Variants in HPSE2 observed in about 807,000 individuals in gnomAD.
HPSE2 encodes heparanase 2 (inactive), also known as inactive heparanase-2.
HPSE2 carries 38 observed loss-of-function variants against 60.5 expected under a neutral mutation model. The observed-to-expected ratio is 0.63, with a 90% CI of 0.48 to 0.82. The LOEUF (loss-of-function observed/expected upper bound fraction) is 0.82, where lower values mean the gene tolerates loss of function less well. HPSE2 is among the 40% of genes least tolerant of loss of function. The probability of loss-of-function intolerance (pLI) is 0.00; values close to 1 mark genes in which losing one functional copy is unlikely to be tolerated. For missense variants in HPSE2, 713 were observed against 740.4 expected (o/e 0.96, Z 0.43); for synonymous variants, 295 against 293.2 (o/e 1.01, Z -0.06).
chr10:98,811,944 T>C (rs756961462), intron 3 of HPSE2, among the ~76,000 whole-genome samples: 1 of 152,174 alleles, frequency 6.6e-6, no homozygotes, highest in Admixed American at 6.6e-5. Flanking sequence ...TAATACTATA[T>C]TTTAAAGTCT....
intron 3 of HPSE2, among the ~76,000 whole-genome samples, chr10:98,802,550 T>G (rs1412224101): frequency 7.0e-6 from 1 of 142,030 alleles, no homozygotes; most frequent in Non-Finnish European, 1.5e-5. Context: ...AATTCCCACC[T>G]ATGAGTGAGA....
At chr10:98,913,918 TAAC>T (rs1390860914) in intron 3 of HPSE2, among the ~76,000 whole-genome samples, 1 of 152,156 alleles carries the variant, frequency 6.6e-6, no homozygotes, top group African/African-American at 2.4e-5. Context: ...ATAATTGTGG[TAAC>T]AAAGTAAAGC....
intron 9 of HPSE2, among the ~76,000 whole-genome samples, chr10:98,600,959 T>TGAGA (rs10682911): frequency 5.4e-5 from 7 of 128,798 alleles, no homozygotes; most frequent in East Asian, 2.3e-4. Context: ...AGAAAGAGAG[T>TGAGA]GAGAGAGAGA....
intron 3 of HPSE2, among the ~76,000 whole-genome samples, chr10:98,978,143 T>C (rs2135289353): frequency 6.6e-6 from 1 of 152,242 alleles, no homozygotes. Context: ...CTATCAGATT[T>C]GTTATGCAAA....
intron 3 of HPSE2, among the ~76,000 whole-genome samples, chr10:99,011,021 C>G (rs1957000602): frequency 6.6e-6 from 1 of 151,848 alleles, no homozygotes; most frequent in African/African-American, 2.4e-5. Context: ...CCTTCAACCC[C>G]TCTGTAGGCC....
chr10:98,534,874 A>G (rs1943234676), intron 9 of HPSE2, among the ~76,000 whole-genome samples: 2 of 152,244 alleles, frequency 1.3e-5, no homozygotes, highest in Admixed American at 1.3e-4. Context: ...ACATCAATAA[A>G]AGAACTAGAG....
chr10:99,135,813 C>T (rs1194956833), intron 3 of HPSE2, among the ~76,000 whole-genome samples: 3 of 151,880 alleles, frequency 2.0e-5, no homozygotes, highest in Admixed American at 6.6e-5. Context: ...TTAATTTTAA[C>T]ATCAAAATTA....
chr10:98,948,560 G>A (rs759357316), intron 3 of HPSE2, among the ~76,000 whole-genome samples: 31 of 152,058 alleles, frequency 2.0e-4, no homozygotes, highest in Non-Finnish European at 2.2e-4. Context: ...ATATGATATG[G>A]GCACTGAAAC....
chr10:99,230,455 T>TC (rs1412393137), intron 2 of HPSE2, among the ~76,000 whole-genome samples: 2 of 152,082 alleles, frequency 1.3e-5, no homozygotes, highest in East Asian at 3.8e-4. Flanking sequence ...AGAAAAGGAT[T>TC]CCATATGGAA....
chr10:98,986,909 T>C (rs1445562151), intron 3 of HPSE2, among the ~76,000 whole-genome samples: 1 of 152,102 alleles, frequency 6.6e-6, no homozygotes, highest in Non-Finnish European at 1.5e-5. Context: ...TGGATAAATT[T>C]CTCGGCACAT....
At position 98,459,464 on chromosome 10, in the gene HPSE2, G is replaced by A. The variant is rs1015407123; in HGVS notation, c.*110C>T. 27 of 1,134,808 alleles carry A rather than the reference G, an allele frequency of 2.4e-5. No individual in the cohort carries two copies. Among genetic ancestry groups the A allele is most frequent in the African/African-American group, 4.6e-5 (3 of 65,134 alleles). 70.3% of individuals were successfully genotyped at this position (1,134,808 alleles called of 1,614,324 possible). A position where few individuals can be genotyped will look rare whatever the true frequency, so the allele number is the denominator to read the frequency against. On this transcript the variant is annotated 3_prime_UTR_variant, in exon 12 of 12. Coordinates refer to ENST00000370552, the MANE Select transcript of HPSE2 (RefSeq NM_021828.5). ...AAGTCTGTGTTGATTCCAGCAGGAT[G>A]GGGCAGCAGGGGCTGGTTGCTAGGA... is the stretch of plus-strand genomic sequence containing the variant.
chr10:98,461,879 G>T, intron 11 of HPSE2: 2 of 1,244,552 alleles, frequency 1.6e-6, no homozygotes, highest in Non-Finnish European at 2.3e-6. Flanking sequence ...CTAATAAGGA[G>T]TAGTTGTCCT....
chr10:98,952,126 G>T (rs923558647), intron 3 of HPSE2, among the ~76,000 whole-genome samples: 15 of 152,138 alleles, frequency 9.9e-5, no homozygotes, highest in Non-Finnish European at 2.2e-4. Context: ...TATTTCATAG[G>T]ATTTTGTTTT....
intron 3 of HPSE2, among the ~76,000 whole-genome samples, chr10:98,812,587 C>A (rs898479242): frequency 6.6e-6 from 1 of 152,008 alleles, no homozygotes; most frequent in African/African-American, 2.4e-5. Context: ...TTTGGTAGTC[C>A]TACTTTTAAA....
chr10:98,503,236 A>G (rs554600373), intron 9 of HPSE2, among the ~76,000 whole-genome samples: 53 of 152,052 alleles, frequency 3.5e-4, no homozygotes, highest in African/African-American at 1.1e-3. Flanking sequence ...GAAAAAAAGA[A>G]AAAAAGAAAA....
chr10:98,688,374 T>C (rs1029024066), intron 6 of HPSE2, among the ~76,000 whole-genome samples: 1 of 151,910 alleles, frequency 6.6e-6, no homozygotes, highest in Non-Finnish European at 1.5e-5. Flanking sequence ...GCCACAAATG[T>C]ACCATTTCCA....
chr10:98,591,398 C>T (rs957215258), intron 9 of HPSE2, among the ~76,000 whole-genome samples: 8 of 152,192 alleles, frequency 5.3e-5, no homozygotes, highest in Non-Finnish European at 1.0e-4. Flanking sequence ...CATGGTGGCT[C>T]ATGTCTGTAA....
intron 3 of HPSE2, among the ~76,000 whole-genome samples, chr10:99,099,819 A>T (rs1185572016): frequency 1.3e-5 from 2 of 152,158 alleles, no homozygotes; most frequent in Non-Finnish European, 2.9e-5. Context: ...TGAGGCAGCT[A>T]CATTTCCTGT....
At chr10:99,265,187 G>A in the HPSE2 span, among the ~76,000 whole-genome samples, 4,233 of 152,216 alleles carry the variant, frequency 0.028, 195 homozygotes, top group African/African-American at 0.096. Flanking sequence ...CCTTAAGAAG[G>A]TACTTTGTAA....
Sources: gnomAD v4.1 joint callset for allele counts (sites outside exome capture counted in the v4.1 genomes callset) on GRCh38, gnomAD v4.1.1 for gene constraint, MANE v1.5 for transcripts, NCBI Gene and HGNC (gene_info 2026-07-23, HGNC 2026-07-21) for gene names.